SPATA16: variants seen among roughly 807,000 people sequenced by gnomAD.
SPATA16 encodes spermatogenesis-associated protein 16.
SPATA16 carries 36 observed loss-of-function variants against 63.3 expected under a neutral mutation model. The ratio of observed to expected loss-of-function variants is 0.57; its 90% confidence interval spans 0.44 to 0.75. SPATA16 has a LOEUF of 0.75. Among genes scored for constraint, SPATA16 ranks in the 30% least tolerant of loss-of-function variants. SPATA16 has a pLI of 0.00. For synonymous variants in SPATA16, 203 were observed against 216.7 expected, an observed-to-expected ratio of 0.94 and a Z score of 0.56; for missense variants, 646 against 679.3, an observed-to-expected ratio of 0.95 and a Z score of 0.54.
intron 8 of SPATA16, among the ~76,000 whole-genome samples, chr3:172,917,706 G>A (rs759259996): frequency 3.9e-5 from 6 of 152,138 alleles, no homozygotes; most frequent in Non-Finnish European, 7.3e-5. Flanking sequence ...TTTGGTTTGC[G>A]CATACTTATG....
intron 3 of SPATA16, among the ~76,000 whole-genome samples, chr3:173,034,266 C>T (rs1213282860): frequency 6.6e-6 from 1 of 152,050 alleles, no homozygotes; most frequent in African/African-American, 2.4e-5. Context: ...GCAAATTACA[C>T]AAGAAATTTT....
chr3:173,052,091 G>A (rs1162252633), intron 2 of SPATA16, among the ~76,000 whole-genome samples: 4 of 152,098 alleles, frequency 2.6e-5, no homozygotes, highest in Middle Eastern at 3.2e-3. Flanking sequence ...GATTACAGGC[G>A]TGAGCCACCG....
chr3:172,979,667 A>G (rs985809496), intron 4 of SPATA16, among the ~76,000 whole-genome samples: 2 of 152,070 alleles, frequency 1.3e-5, no homozygotes, highest in African/African-American at 4.8e-5. Context: ...TTTCTGTAAT[A>G]ATATATTGTC....
intron 6 of SPATA16, 61 bp downstream of exon 6, chr3:172,956,616 C>G (rs1311289069): frequency 6.4e-7 from 1 of 1,550,992 alleles, no homozygotes; most frequent in Non-Finnish European, 8.8e-7. Flanking sequence ...CAGAAAGAAC[C>G]CTGTATTTGT....
intron 6 of SPATA16, among the ~76,000 whole-genome samples, chr3:172,934,447 C>A (rs933571825): frequency 3.9e-5 from 6 of 151,968 alleles, no homozygotes; most frequent in African/African-American, 1.5e-4. Flanking sequence ...TTTATAAGGT[C>A]CTGTATATTT....
chr3:172,912,592 A>C (rs974851122), intron 10 of SPATA16, among the ~76,000 whole-genome samples: 1 of 152,148 alleles, frequency 6.6e-6, no homozygotes, highest in Non-Finnish European at 1.5e-5. Flanking sequence ...ACATGAAGAC[A>C]ACAAGGGTGA....
intron 4 of SPATA16, among the ~76,000 whole-genome samples, chr3:173,016,831 C>G (rs1019998311): frequency 1.2e-4 from 18 of 151,980 alleles, no homozygotes; most frequent in African/African-American, 4.3e-4. Context: ...CTGGCCAACA[C>G]GGTGAAACCC....
At chr3:173,035,211 AT>A (rs1735689423) in intron 3 of SPATA16, among the ~76,000 whole-genome samples, 1 of 152,176 alleles carries the variant, frequency 6.6e-6, no homozygotes, top group African/African-American at 2.4e-5. Flanking sequence ...ATAACCAGTA[AT>A]CAACACATCA....
chr3:173,136,008 G>T (rs1433905011), intron 1 of SPATA16, among the ~76,000 whole-genome samples: 4 of 152,204 alleles, frequency 2.6e-5, no homozygotes, highest in Non-Finnish European at 2.9e-5. Context: ...CCTAAGGCAA[G>T]TTTTGCCTAA....
intron 2 of SPATA16, among the ~76,000 whole-genome samples, chr3:173,087,478 C>G (rs1737087442): frequency 6.6e-6 from 1 of 152,058 alleles, no homozygotes; most frequent in Non-Finnish European, 1.5e-5. Flanking sequence ...TTCTATCCAG[C>G]TTGCTATTCT....
At chr3:173,066,431 A>G (rs1275164020) in intron 2 of SPATA16, among the ~76,000 whole-genome samples, 1 of 151,878 alleles carries the variant, frequency 6.6e-6, no homozygotes, top group East Asian at 1.9e-4. Context: ...GCCTGTGTCA[A>G]CCCTCCTCCA....
At chr3:172,992,691 G>A (rs1474308768) in intron 4 of SPATA16, among the ~76,000 whole-genome samples, 1 of 152,110 alleles carries the variant, frequency 6.6e-6, no homozygotes, top group Non-Finnish European at 1.5e-5. Flanking sequence ...GTACTTCTGA[G>A]CAGCTACTAC....
chr3:172,941,843 G>T (rs1443368048), intron 6 of SPATA16, among the ~76,000 whole-genome samples: 1 of 152,018 alleles, frequency 6.6e-6, no homozygotes, highest in African/African-American at 2.4e-5. Context: ...TATCAGGTTA[G>T]AATAAAAATA....
At chr3:172,952,080 G>C (rs1733446905) in intron 6 of SPATA16, among the ~76,000 whole-genome samples, 1 of 152,082 alleles carries the variant, frequency 6.6e-6, no homozygotes, top group Non-Finnish European at 1.5e-5. Flanking sequence ...CTTTCTGTGG[G>C]CGGGTACAAA....
intron 7 of SPATA16, 139 bp downstream of exon 7, chr3:172,925,207 C>T: frequency 1.1e-6 from 1 of 951,756 alleles, no homozygotes; most frequent in South Asian, 1.6e-5. Flanking sequence ...GAAAGATTTC[C>T]TGGAACCAGA....
chr3:173,047,007 T>G (rs1041711805), intron 3 of SPATA16, among the ~76,000 whole-genome samples: 3 of 151,958 alleles, frequency 2.0e-5, no homozygotes, highest in African/African-American at 4.8e-5. Context: ...GAAAGATAAC[T>G]TTACTATTCA....
At chr3:172,964,783 T>C (rs1005539597) in intron 5 of SPATA16, among the ~76,000 whole-genome samples, 1 of 152,254 alleles carries the variant, frequency 6.6e-6, no homozygotes, top group African/African-American at 2.4e-5. Flanking sequence ...AAAGACCTGG[T>C]GACTTCGTTC....
At chr3:172,924,122 G>A (rs1226268560) in intron 8 of SPATA16, 86 bp downstream of exon 8, 1 of 1,104,178 alleles carries the variant, frequency 9.1e-7, no homozygotes, top group Non-Finnish European at 1.4e-6. Flanking sequence ...CCTAACACTT[G>A]CACTATTTGC....
intron 2 of SPATA16, among the ~76,000 whole-genome samples, chr3:173,056,705 C>CAAAAAAAAAAAAAAAAAAA (rs71162325): frequency 4.1e-5 from 3 of 73,612 alleles, no homozygotes; most frequent in East Asian, 4.5e-4. Context: ...ACTCTTGTTT[C>CAAAAAAAAAAAAAAAAAAA]AAAAAAAAAA....
Sources: gnomAD v4.1 joint callset for allele counts (sites outside exome capture counted in the v4.1 genomes callset) on GRCh38, gnomAD v4.1.1 for gene constraint, MANE v1.5 for transcripts, NCBI Gene and HGNC (gene_info 2026-07-23, HGNC 2026-07-21) for gene names.